NELL1: variants seen among roughly 807,000 people sequenced by gnomAD.
NELL1 encodes the protein protein kinase C-binding protein NELL1.
In NELL1, 76 loss-of-function variants were observed where a neutral mutation model predicts 107.4. The observed-to-expected ratio is 0.71, with a 90% CI of 0.59 to 0.86. The LOEUF is 0.86. NELL1 is among the 40% of genes least tolerant of loss of function. The probability of loss-of-function intolerance (pLI) is 0.00; values close to 1 mark genes in which losing one functional copy is unlikely to be tolerated. For missense variants in NELL1, 1,024 were observed against 1,005.5 expected, an observed-to-expected ratio of 1.02 and a Z score of -0.25; for synonymous variants, 353 against 341.2, an observed-to-expected ratio of 1.03 and a Z score of -0.38.
rs530286765 is a variant in NELL1, at chr11:21,433,592, CTTA to C, written c.1645+62649_1645+62651del. ...CATTCTAACTGGGGTATGATGAGAC[CTTA>C]TTATGGTTTTTTGTTTTTATTTTGG... On this transcript the variant is annotated intron_variant, in intron 15 of 19. Transcript: ENST00000357134. Among the ~76,000 whole-genome samples, 305 of 152,086 alleles carry C rather than the reference CTTA, an allele frequency of 2.0e-3. 2 individuals carry two copies. The highest frequency in any genetic ancestry group is 0.015 in the South Asian group (72 of 4,802).
chr11:21,283,508 C>A (rs1370291711), intron 14 of NELL1, among the ~76,000 whole-genome samples: 1 of 152,130 alleles, frequency 6.6e-6, no homozygotes, highest in African/African-American at 2.4e-5. Context: ...TTTTTAAAAG[C>A]ATGTGATACA....
At chr11:21,071,093 T>G (rs1854002426) in intron 12 of NELL1, among the ~76,000 whole-genome samples, 1 of 152,186 alleles carries the variant, frequency 6.6e-6, no homozygotes, top group African/African-American at 2.4e-5. Context: ...GAGTGTAGTT[T>G]TGCAGTCAGG....
chr11:21,002,132 G>A (rs1013567929), intron 12 of NELL1, among the ~76,000 whole-genome samples: 4 of 152,136 alleles, frequency 2.6e-5, no homozygotes, highest in African/African-American at 9.7e-5. Context: ...GATTCAAGCA[G>A]TGTACCTCTA....
At chr11:21,109,074 T>C (rs1177536538) in intron 12 of NELL1, among the ~76,000 whole-genome samples, 1 of 152,096 alleles carries the variant, frequency 6.6e-6, no homozygotes, top group African/African-American at 2.4e-5. Context: ...ACTGATTTTG[T>C]ACTTGGGCAA....
intron 12 of NELL1, among the ~76,000 whole-genome samples, chr11:21,097,432 C>T (rs1854673341): frequency 6.6e-6 from 1 of 152,200 alleles, no homozygotes; most frequent in Non-Finnish European, 1.5e-5. Context: ...ATCCTGGACG[C>T]AGTCCTTATC....
At chr11:21,235,503 A>G (rs919388706) in intron 14 of NELL1, among the ~76,000 whole-genome samples, 9 of 152,124 alleles carry the variant, frequency 5.9e-5, no homozygotes, top group African/African-American at 1.2e-4. Context: ...TTTCCCACCT[A>G]TAGAGACTGA....
At chr11:21,257,965 G>A (rs1858811778) in intron 14 of NELL1, among the ~76,000 whole-genome samples, 2 of 151,960 alleles carry the variant, frequency 1.3e-5, no homozygotes, top group South Asian at 4.1e-4. Flanking sequence ...AAAACAAAAA[G>A]CAACGTGGGG....
At chr11:20,777,773 T>G (rs897785766) in intron 2 of NELL1, among the ~76,000 whole-genome samples, 3 of 152,210 alleles carry the variant, frequency 2.0e-5, no homozygotes, top group Non-Finnish European at 4.4e-5. Context: ...TACTGAAATG[T>G]TGCCTGCATT....
intron 12 of NELL1, among the ~76,000 whole-genome samples, chr11:21,086,984 G>A (rs560207250): frequency 3.3e-5 from 5 of 152,104 alleles, no homozygotes; most frequent in South Asian, 2.1e-4. Context: ...GACTACAGGC[G>A]TGTGTCACCA....
chr11:21,429,639 T>A, intron 15 of NELL1, among the ~76,000 whole-genome samples: 1 of 152,194 alleles, frequency 6.6e-6, no homozygotes, highest in East Asian at 1.9e-4. Flanking sequence ...GCCAGATGAT[T>A]TGGAAATCAC....
chr11:21,008,248 A>T (rs990839982), intron 12 of NELL1, among the ~76,000 whole-genome samples: 4 of 152,144 alleles, frequency 2.6e-5, no homozygotes, highest in African/African-American at 7.2e-5. Context: ...AAAATATTTA[A>T]CGTATTTTCA....
At chr11:21,531,548 C>T (rs925400037) in intron 15 of NELL1, among the ~76,000 whole-genome samples, 7 of 152,126 alleles carry the variant, frequency 4.6e-5, no homozygotes, top group African/African-American at 1.7e-4. Context: ...TCTCTTGTTT[C>T]CTTGTTCACA....
At chr11:21,168,569 C>G (rs1212153769) in intron 13 of NELL1, among the ~76,000 whole-genome samples, 1 of 151,726 alleles carries the variant, frequency 6.6e-6, no homozygotes, top group Non-Finnish European at 1.5e-5. Context: ...TTAACATGGT[C>G]CAGTTTGTCT....
At chr11:21,199,675 G>A (rs540024623) in intron 13 of NELL1, among the ~76,000 whole-genome samples, 2 of 152,122 alleles carry the variant, frequency 1.3e-5, no homozygotes, top group Admixed American at 1.3e-4. Context: ...TACTTCAAGT[G>A]TTGGGGTACA....
chr11:21,268,106 G>T (rs1363886047), intron 14 of NELL1, among the ~76,000 whole-genome samples: 2 of 152,124 alleles, frequency 1.3e-5, no homozygotes, highest in Admixed American at 1.3e-4. Context: ...CAGAAACAAA[G>T]AACTTAAGGA....
At chr11:21,521,272 T>C (rs1318903024) in intron 15 of NELL1, among the ~76,000 whole-genome samples, 1 of 152,216 alleles carries the variant, frequency 6.6e-6, no homozygotes. Context: ...TTGGAACTGG[T>C]GTAATTTCCA....
intron 17 of NELL1, among the ~76,000 whole-genome samples, chr11:21,564,698 G>T (rs1335267304): frequency 1.3e-5 from 2 of 151,846 alleles, no homozygotes; most frequent in Non-Finnish European, 2.9e-5. Flanking sequence ...AGTTTTTCTG[G>T]GGTTTAGAGA....
At chr11:20,713,845 C>T (rs1855171543) in intron 2 of NELL1, among the ~76,000 whole-genome samples, 1 of 152,146 alleles carries the variant, frequency 6.6e-6, no homozygotes, top group Non-Finnish European at 1.5e-5. Flanking sequence ...GAAGGCTCTT[C>T]CTGCTGCTGC....
At chr11:21,233,082 A>G (rs1858107373) in intron 14 of NELL1, among the ~76,000 whole-genome samples, 1 of 152,248 alleles carries the variant, frequency 6.6e-6, no homozygotes, top group Admixed American at 6.5e-5. Context: ...TACATAAGAC[A>G]TCAGTTTCTG....
Sources: gnomAD v4.1 joint callset for allele counts (sites outside exome capture counted in the v4.1 genomes callset) on GRCh38, gnomAD v4.1.1 for gene constraint, MANE v1.5 for transcripts, NCBI Gene and HGNC (gene_info 2026-07-23, HGNC 2026-07-21) for gene names.